Variants in MOXD1 observed in about 807,000 individuals in gnomAD.
MOXD1 encodes monooxygenase DBH like 1.
MOXD1 carries 62 observed loss-of-function variants against 66.6 expected under a neutral mutation model. That is an observed-to-expected ratio of 0.93 (90% confidence interval 0.76 to 1.15). The LOEUF is 1.15. Among genes scored for constraint, MOXD1 ranks in the 50% most tolerant of loss-of-function variants. The pLI is 0.00. For missense variants in MOXD1, 847 were observed against 754.6 expected (o/e 1.12, Z -1.44); for synonymous variants, 303 against 281.9 (o/e 1.07, Z -0.75).
intron 10 of MOXD1, among the ~76,000 whole-genome samples, chr6:132,307,137 A>G (rs1486502958): frequency 6.6e-6 from 1 of 152,206 alleles, no homozygotes; most frequent in African/African-American, 2.4e-5. Flanking sequence ...TCACGTGCAG[A>G]GACACACATA....
chr6:132,310,714 G>A (rs1005942691), intron 10 of MOXD1, among the ~76,000 whole-genome samples: 4 of 152,112 alleles, frequency 2.6e-5, no homozygotes, highest in Admixed American at 1.3e-4. Context: ...GATGAAGATG[G>A]AAGCCAATGT....
intron 4 of MOXD1, among the ~76,000 whole-genome samples, 195 bp from the exon 5 acceptor site, chr6:132,328,789 G>A (rs745358436): frequency 2.2e-4 from 34 of 152,188 alleles, no homozygotes; most frequent in Non-Finnish European, 3.1e-4. Flanking sequence ...TGATGACAAC[G>A]GCAACAACAA....
At position 132,315,764 on chromosome 6, in the gene MOXD1, GT is replaced by G. The variant is rs1774935310; in HGVS notation, c.1378del (p.Thr460ProfsTer65). 6.2e-7 allele frequency: 1 copy of G among 1,613,138 alleles called. No homozygotes were observed. Among genetic ancestry groups the G allele is most frequent in the Non-Finnish European group, 8.5e-7 (1 of 1,179,576 alleles). On this transcript the variant is annotated frameshift_variant, in exon 10 of 12. Coordinates refer to ENST00000367963, the MANE Select transcript of MOXD1 (RefSeq NM_015529.4). LOFTEE classifies it high-confidence loss of function. ...RAEMTWGGLS[T>X]RSEMCLSYLL... ...GTATGAGAGACACATTTCACTCCTG[GT>G]GCTTAGTCCTCCCTGAAAACAGATA...
At chr6:132,299,813 A>G (rs917632713) in intron 10 of MOXD1, among the ~76,000 whole-genome samples, 1 of 152,120 alleles carries the variant, frequency 6.6e-6, no homozygotes, top group African/African-American at 2.4e-5. Flanking sequence ...AATTTCTATA[A>G]TTATCAAATA....
At chr6:132,311,933 T>G (rs1272036738) in intron 10 of MOXD1, among the ~76,000 whole-genome samples, 1 of 152,048 alleles carries the variant, frequency 6.6e-6, no homozygotes, top group African/African-American at 2.4e-5. Context: ...CATAAAGTGA[T>G]TTTTCTGCAA....
chr6:132,372,470 CA>C, intron 4 of MOXD1, 137 bp downstream of exon 4: 1 of 761,046 alleles, frequency 1.3e-6, no homozygotes, highest in South Asian at 2.0e-5. Flanking sequence ...GCAGGTCAGC[CA>C]AGCCAGTTCT....
chr6:132,343,973 G>T (rs751849857), intron 4 of MOXD1, among the ~76,000 whole-genome samples: 1 of 151,986 alleles, frequency 6.6e-6, no homozygotes, highest in Non-Finnish European at 1.5e-5. Context: ...ATACATATAA[G>T]ATATATGAAG....
chr6:132,316,556 A>G (rs1227477750), intron 9 of MOXD1, among the ~76,000 whole-genome samples: 1 of 152,176 alleles, frequency 6.6e-6, no homozygotes, highest in Non-Finnish European at 1.5e-5. Flanking sequence ...GGAAAGAAGA[A>G]CAATTTTAAA....
In MOXD1 at chr6:132,322,763, T is replaced by G; in HGVS notation, c.1221A>C (p.Glu407Asp). ...CATCATCATAGGCAAGTAATTTCATTTCCTTCCCTTTTCGAAAATGACGCA... is the reference window on the plus strand; with the variant it reads ...CATCATCATAGGCAAGTAATTTCATGTCCTTCCCTTTTCGAAAATGACGCA... ...IRLRHFRKGK[E>D]MKLLAYDDDF... The change falls in exon 8 of 12, where the codon GAA becomes GAC. Residue 407 changes from glutamate (E) to aspartate (D), a missense_variant. Physicochemically the swap from Glu to Asp is conservative, Grantham distance 45. Coordinates refer to ENST00000367963, the MANE Select transcript of MOXD1 (RefSeq NM_015529.4). The G allele has an allele frequency of 6.2e-7, 1 of 1,614,124 alleles. No homozygotes were observed. The highest frequency in any genetic ancestry group is 8.5e-7 in the Non-Finnish European group (1 of 1,180,000).
chr6:132,334,305 C>T (rs770136068), intron 4 of MOXD1, among the ~76,000 whole-genome samples: 1 of 152,224 alleles, frequency 6.6e-6, no homozygotes, highest in Non-Finnish European at 1.5e-5. Context: ...CATTGTCACA[C>T]CCTGCCCATG....
At chr6:132,326,614 T>C (rs1775192864) in intron 6 of MOXD1, among the ~76,000 whole-genome samples, 1 of 152,130 alleles carries the variant, frequency 6.6e-6, no homozygotes, top group Non-Finnish European at 1.5e-5. Context: ...TGTTTTATAG[T>C]CACATATGAT....
chr6:132,340,644 T>TCA (rs1775536053), intron 4 of MOXD1, among the ~76,000 whole-genome samples: 5 of 129,446 alleles, frequency 3.9e-5, no homozygotes, highest in Admixed American at 3.0e-4. Context: ...ACTCATTTTT[T>TCA]TTTTTTTTTT....
intron 6 of MOXD1, among the ~76,000 whole-genome samples, chr6:132,325,570 C>T (rs531049056): frequency 2.6e-5 from 4 of 152,196 alleles, no homozygotes; most frequent in East Asian, 1.9e-4. Flanking sequence ...GATGCCAGTA[C>T]CTTGTACTTG....
At chr6:132,329,471 GA>G (rs1163116528) in intron 4 of MOXD1, among the ~76,000 whole-genome samples, 2 of 151,400 alleles carry the variant, frequency 1.3e-5, no homozygotes, top group Admixed American at 6.6e-5. Flanking sequence ...TTTTCACATA[GA>G]AAAAAAGAAG....
At chr6:132,300,772 A>C (rs1774516828) in intron 10 of MOXD1, among the ~76,000 whole-genome samples, 2 of 152,240 alleles carry the variant, frequency 1.3e-5, no homozygotes, top group African/African-American at 4.8e-5. Context: ...TGTTGGAGAC[A>C]GAATGACTGA....
chr6:132,350,389 A>G (rs1182968939), intron 4 of MOXD1, among the ~76,000 whole-genome samples: 2 of 151,974 alleles, frequency 1.3e-5, no homozygotes, highest in East Asian at 3.9e-4. Flanking sequence ...GGTGTCATTT[A>G]CCCACTTTAT....
intron 4 of MOXD1, among the ~76,000 whole-genome samples, chr6:132,361,775 C>A (rs1425566643): frequency 2.6e-5 from 4 of 152,024 alleles, no homozygotes; most frequent in Non-Finnish European, 1.5e-5. Context: ...TCAACTATAA[C>A]ATTTTTGATA....
intron 10 of MOXD1, among the ~76,000 whole-genome samples, chr6:132,304,386 G>A (rs755749462): frequency 1.3e-5 from 2 of 152,104 alleles, no homozygotes; most frequent in African/African-American, 4.8e-5. Context: ...AAGCTATTTT[G>A]TTATCCCACC....
chr6:132,350,817 C>A (rs902745003), intron 4 of MOXD1, among the ~76,000 whole-genome samples: 13 of 151,960 alleles, frequency 8.6e-5, no homozygotes, highest in Non-Finnish European at 2.9e-5. Context: ...TGTTTTGTAG[C>A]TTTCCTTGTA....
Sources: allele counts gnomAD v4.1 joint callset (sites outside exome capture counted in the v4.1 genomes callset), GRCh38; gene constraint gnomAD v4.1.1; transcripts MANE v1.5; gene names NCBI Gene and HGNC (gene_info 2026-07-23, HGNC 2026-07-21).